Variants in SUPT3H observed in about 807,000 individuals in gnomAD.
The protein encoded by SUPT3H is SPT3 homolog, SAGA and STAGA complex component.
In SUPT3H, 44 loss-of-function variants were observed where a neutral mutation model predicts 44.3. The observed-to-expected ratio is 0.99, with a 90% CI of 0.78 to 1.28. The LOEUF (loss-of-function observed/expected upper bound fraction) is 1.28, where lower values mean the gene tolerates loss of function less well. SUPT3H is among the 50% of genes most tolerant of loss of function. The probability of loss-of-function intolerance (pLI) is 0.00; values close to 1 mark genes in which losing one functional copy is unlikely to be tolerated. For synonymous variants in SUPT3H, 124 were observed against 125.6 expected (o/e 0.99, Z 0.09); for missense variants, 380 against 387.1 (o/e 0.98, Z 0.15).
chr6:44,890,596 G>T (rs1292671474), intron 10 of SUPT3H, among the ~76,000 whole-genome samples: 2 of 131,762 alleles, frequency 1.5e-5, no homozygotes, highest in South Asian at 5.3e-4. Context: ...ACATCACACT[G>T]TGGGGACTGT....
intron 10 of SUPT3H, among the ~76,000 whole-genome samples, chr6:44,857,044 T>C (rs184807043): frequency 7.1e-4 from 108 of 152,266 alleles, no homozygotes; most frequent in African/African-American, 2.5e-3. Context: ...ACCCAAAACA[T>C]AGGCTCAACA....
At chr6:45,220,934 T>G (rs1765940624) in intron 2 of SUPT3H, among the ~76,000 whole-genome samples, 1 of 152,226 alleles carries the variant, frequency 6.6e-6, no homozygotes, top group Non-Finnish European at 1.5e-5. Flanking sequence ...GTATGTTTAC[T>G]GCAGCACTAT....
intron 2 of SUPT3H, among the ~76,000 whole-genome samples, chr6:45,191,530 A>T (rs1489680119): frequency 6.6e-6 from 1 of 152,120 alleles, no homozygotes; most frequent in Non-Finnish European, 1.5e-5. Flanking sequence ...CAGAATGTGA[A>T]ACACCAAGAG....
At chr6:45,004,158 G>A (rs966066006) in intron 5 of SUPT3H, among the ~76,000 whole-genome samples, 1 of 152,018 alleles carries the variant, frequency 6.6e-6, no homozygotes, top group Non-Finnish European at 1.5e-5. Flanking sequence ...AAAATGATGA[G>A]TAAGGATATG....
intron 4 of SUPT3H, among the ~76,000 whole-genome samples, chr6:45,017,777 C>T (rs1246555774): frequency 0.015 from 2,143 of 140,148 alleles, 11 homozygotes; most frequent in South Asian, 0.031. Flanking sequence ...AGTCAGGTAG[C>T]GTGATGCCTC....
chr6:44,855,130 A>T (rs1773519863), intron 10 of SUPT3H, among the ~76,000 whole-genome samples: 1 of 152,178 alleles, frequency 6.6e-6, no homozygotes, highest in African/African-American at 2.4e-5. Flanking sequence ...TTTCTATCAC[A>T]TGGAATTGCA....
chr6:45,146,707 T>C (rs1248481760), intron 2 of SUPT3H, among the ~76,000 whole-genome samples: 2 of 152,164 alleles, frequency 1.3e-5, no homozygotes, highest in African/African-American at 4.8e-5. Context: ...TGGTTGGCCT[T>C]ATAAAGCATC....
intron 3 of SUPT3H, among the ~76,000 whole-genome samples, chr6:45,063,427 T>A (rs1369068800): frequency 6.7e-6 from 1 of 149,368 alleles, no homozygotes; most frequent in East Asian, 1.9e-4. Flanking sequence ...GGAACGCAGC[T>A]CCTCACCAGC....
chr6:45,037,804 CAAA>C (rs201001723), intron 3 of SUPT3H, among the ~76,000 whole-genome samples: 1 of 131,634 alleles, frequency 7.6e-6, no homozygotes, highest in African/African-American at 2.8e-5. Context: ...AACTCAGTCT[CAAA>C]AAAAAAAAAA....
intron 2 of SUPT3H, among the ~76,000 whole-genome samples, chr6:45,169,984 G>T (rs1411643902): frequency 3.3e-5 from 5 of 152,200 alleles, no homozygotes; most frequent in African/African-American, 1.2e-4. Context: ...ACAGGGCACA[G>T]CCCCAGGGGG....
chr6:44,975,342 A>G (rs987024114), intron 6 of SUPT3H, among the ~76,000 whole-genome samples: 8 of 152,228 alleles, frequency 5.3e-5, no homozygotes, highest in African/African-American at 1.9e-4. Context: ...AATGCCCATC[A>G]ACCAACAACT....
At chr6:45,135,166 G>A (rs1204157386) in intron 2 of SUPT3H, among the ~76,000 whole-genome samples, 2 of 152,190 alleles carry the variant, frequency 1.3e-5, no homozygotes, top group East Asian at 1.9e-4. Context: ...AGTGAAGGCT[G>A]AAGTCTCCCT....
intron 2 of SUPT3H, among the ~76,000 whole-genome samples, chr6:45,135,748 C>T (rs749175585): frequency 3.9e-5 from 6 of 152,202 alleles, no homozygotes; most frequent in Non-Finnish European, 5.9e-5. Flanking sequence ...AACAACAATG[C>T]TGGCACCCTG....
intron 10 of SUPT3H, among the ~76,000 whole-genome samples, chr6:44,895,085 T>A (rs1763913011): frequency 6.6e-6 from 1 of 152,006 alleles, no homozygotes; most frequent in Middle Eastern, 3.2e-3. Flanking sequence ...TTAACATTTA[T>A]TTTTTTCCTC....
rs143624371 is a variant in SUPT3H, at chr6:45,360,889, T to G, written c.101+4312A>C. Among the ~76,000 whole-genome samples, 541 of 152,326 alleles carry G rather than the reference T, an allele frequency of 3.6e-3. 2 individuals are homozygous for G. The highest frequency in any genetic ancestry group is 0.012 in the African/African-American group (516 of 41,570). On this transcript the variant is annotated intron_variant, in intron 2 of 10. Transcript: ENST00000371459. ...TACTACCATGGAATTTTTCGCATCC[T>G]ATTGCATTACAAATATTTGTCTCCT...
At chr6:44,870,866 C>CAGG (rs1776313199) in intron 10 of SUPT3H, among the ~76,000 whole-genome samples, 1 of 151,674 alleles carries the variant, frequency 6.6e-6, no homozygotes, top group African/African-American at 2.4e-5. Context: ...GTTCCCTTTC[C>CAGG]GAGTCAAAGA....
At chr6:44,946,129 A>G (rs1167648984) in intron 9 of SUPT3H, among the ~76,000 whole-genome samples, 2 of 152,208 alleles carry the variant, frequency 1.3e-5, no homozygotes, top group African/African-American at 4.8e-5. Context: ...GGCTTACTGA[A>G]TATTTTAATT....
At chr6:44,942,406 T>C (rs774151882) in intron 9 of SUPT3H, among the ~76,000 whole-genome samples, 1 of 152,174 alleles carries the variant, frequency 6.6e-6, no homozygotes, top group Non-Finnish European at 1.5e-5. Flanking sequence ...GGATTTCCTG[T>C]CTTTACAGTT....
chr6:44,893,265 T>C (rs889208328), intron 10 of SUPT3H, among the ~76,000 whole-genome samples: 33 of 152,324 alleles, frequency 2.2e-4, no homozygotes, highest in Middle Eastern at 3.4e-3. Flanking sequence ...TTAGGGTACA[T>C]GTGCACAATG....
Sources: gnomAD v4.1 joint callset for allele counts (sites outside exome capture counted in the v4.1 genomes callset) on GRCh38, gnomAD v4.1.1 for gene constraint, MANE v1.5 for transcripts, NCBI Gene and HGNC (gene_info 2026-07-23, HGNC 2026-07-21) for gene names.